COL19A1: variants seen among roughly 807,000 people sequenced by gnomAD.
The protein encoded by COL19A1 is collagen type XIX alpha 1 chain.
COL19A1 carries 159 observed loss-of-function variants against 190.2 expected under a neutral mutation model. The observed-to-expected ratio is 0.84, with a 90% CI of 0.73 to 0.95. The LOEUF is 0.95. COL19A1 is among the 40% of genes least tolerant of loss of function. COL19A1 has a pLI of 0.00. For missense variants in COL19A1, 1,418 were observed against 1,431.9 expected, an observed-to-expected ratio of 0.99 and a Z score of 0.16; for synonymous variants, 509 against 458.9, an observed-to-expected ratio of 1.11 and a Z score of -1.39.
chr6:70,189,197 C>T (rs554212464), intron 47 of COL19A1, among the ~76,000 whole-genome samples: 3 of 152,144 alleles, frequency 2.0e-5, no homozygotes, highest in South Asian at 2.1e-4. Flanking sequence ...TGAACTAGCA[C>T]CATTATGTTA....
chr6:70,039,760 GT>G (rs61548544), intron 14 of COL19A1, among the ~76,000 whole-genome samples: 20,666 of 139,714 alleles, frequency 0.15, 1,518 homozygotes, highest in African/African-American at 0.24. Context: ...GGGAAGTATT[GT>G]TTTTTTTTTT....
intron 31 of COL19A1, among the ~76,000 whole-genome samples, chr6:70,155,798 T>C (rs1787393721): frequency 1.3e-5 from 2 of 152,172 alleles, no homozygotes; most frequent in Admixed American, 6.6e-5. Context: ...AACATTCTGC[T>C]AAACAATTGA....
intron 18 of COL19A1, among the ~76,000 whole-genome samples, chr6:70,134,937 C>T (rs994012525): frequency 1.3e-5 from 2 of 151,690 alleles, no homozygotes; most frequent in African/African-American, 4.8e-5. Flanking sequence ...CACAATGCTG[C>T]CTTCCACTTC....
chr6:70,083,604 C>A (rs1351809089), intron 15 of COL19A1, among the ~76,000 whole-genome samples: 1 of 152,184 alleles, frequency 6.6e-6, no homozygotes, highest in African/African-American at 2.4e-5. Flanking sequence ...AAAACTTTAT[C>A]ACCAGCAGAA....
intron 39 of COL19A1, 121 bp from the exon 40 acceptor site, chr6:70,168,534 A>T (rs1348273948): frequency 3.6e-6 from 3 of 825,806 alleles, no homozygotes; most frequent in Middle Eastern, 2.3e-4. Flanking sequence ...TTCAAACTGT[A>T]ATTAAAGCAA....
intron 18 of COL19A1, chr6:70,131,322 A>G (rs1785507772): frequency 5.0e-6 from 1 of 200,856 alleles, no homozygotes; most frequent in Non-Finnish European, 1.0e-5. Context: ...CCAAGAAAAT[A>G]TGACTTCTGT....
chr6:70,020,107 T>C (rs1428100198), intron 11 of COL19A1, among the ~76,000 whole-genome samples: 1 of 152,132 alleles, frequency 6.6e-6, no homozygotes, highest in Non-Finnish European at 1.5e-5. Flanking sequence ...TAAAATATTA[T>C]TAATTGCCAT....
At chr6:70,041,001 C>T (rs1021254758) in intron 14 of COL19A1, among the ~76,000 whole-genome samples, 1 of 151,850 alleles carries the variant, frequency 6.6e-6, no homozygotes, top group African/African-American at 2.4e-5. Context: ...TCCCTTAATA[C>T]TTTTTTTAAA....
chr6:69,942,392 T>G (rs1356499135), intron 9 of COL19A1, among the ~76,000 whole-genome samples: 2 of 152,180 alleles, frequency 1.3e-5, no homozygotes, highest in African/African-American at 4.8e-5. Flanking sequence ...CAAGATTTTC[T>G]CTTTTAGCTA....
chr6:69,949,187 G>T (rs117113003), intron 9 of COL19A1, among the ~76,000 whole-genome samples: 2 of 151,764 alleles, frequency 1.3e-5, no homozygotes, highest in Admixed American at 1.3e-4. Flanking sequence ...AACAGATTAC[G>T]TTTAACTCTT....
At chr6:70,160,093 T>G (rs1787701142) in intron 34 of COL19A1, among the ~76,000 whole-genome samples, 1 of 152,208 alleles carries the variant, frequency 6.6e-6, no homozygotes, top group Non-Finnish European at 1.5e-5. Context: ...GGTCCACAAC[T>G]CTATTAGTCC....
intron 34 of COL19A1, among the ~76,000 whole-genome samples, chr6:70,157,539 G>T (rs2150254212): frequency 6.6e-6 from 1 of 151,942 alleles, no homozygotes. Flanking sequence ...TATTTTTCTA[G>T]GTGGAGTTAT....
chr6:69,921,197 TCA>T (rs1771741667), intron 4 of COL19A1, among the ~76,000 whole-genome samples: 1 of 131,284 alleles, frequency 7.6e-6, no homozygotes, highest in Non-Finnish European at 1.5e-5. Context: ...CATATATATA[TCA>T]CATATATTCA....
chr6:70,007,422 T>C (rs1777700977), intron 11 of COL19A1, among the ~76,000 whole-genome samples: 1 of 152,034 alleles, frequency 6.6e-6, no homozygotes, highest in South Asian at 2.1e-4. Context: ...ACAAGAAATA[T>C]GGAGTGAGTA....
chr6:69,983,165 A>G (rs947499391), intron 11 of COL19A1, among the ~76,000 whole-genome samples: 2 of 151,854 alleles, frequency 1.3e-5, no homozygotes, highest in African/African-American at 2.4e-5. Flanking sequence ...TAATATATCT[A>G]TTTATTTAGG....
chr6:70,155,097 C>G (rs1049715258), intron 31 of COL19A1, among the ~76,000 whole-genome samples: 1 of 152,124 alleles, frequency 6.6e-6, no homozygotes, highest in East Asian at 1.9e-4. Context: ...TTTTCAGTAT[C>G]GTGCAAAATT....
chr6:70,017,102 G>A (rs968628824), intron 11 of COL19A1, among the ~76,000 whole-genome samples: 2 of 151,868 alleles, frequency 1.3e-5, no homozygotes, highest in African/African-American at 4.8e-5. Flanking sequence ...ATAAGAAACT[G>A]GTGAATTAAT....
rs1045565962 is a variant in COL19A1, at chr6:70,209,862, C to T, written c.*2588C>T. On this transcript the variant is annotated 3_prime_UTR_variant, in exon 51 of 51. Coordinates refer to ENST00000620364, the MANE Select transcript of COL19A1 (RefSeq NM_001858.6). The stretch of plus-strand genomic sequence containing the variant: ...AAAGGGCAGCAAGAAATGCTGGGTC[C>T]ACCTAATTTAACACAAAATGAAGTT... 3 of 152,162 alleles carry T rather than the reference C, an allele frequency of 2.0e-5. No homozygotes were observed. The highest frequency in any genetic ancestry group is 7.2e-5 in the African/African-American group (3 of 41,438). 9.4% of individuals were successfully genotyped at this position (152,162 alleles called of 1,614,324 possible).
rs189275915 is a variant in COL19A1 at position 70,078,491 on chromosome 6, G to A, written c.1224+10015G>A. ...ACGACAGAATTTCTCCTGCCTTGAA[G>A]CAAGGGGCGAGGCTTGCCCTCACAG... On this transcript the variant is annotated intron_variant, in intron 15 of 50. Transcript: ENST00000620364. Among the ~76,000 whole-genome samples, 592 of 152,332 alleles carry A rather than the reference G, an allele frequency of 3.9e-3. 3 individuals are homozygous for A. The highest frequency in any genetic ancestry group is 0.014 in the African/African-American group (573 of 41,570).
Sources: allele counts gnomAD v4.1 joint callset (sites outside exome capture counted in the v4.1 genomes callset), GRCh38; gene constraint gnomAD v4.1.1; transcripts MANE v1.5; gene names NCBI Gene and HGNC (gene_info 2026-07-23, HGNC 2026-07-21).